SYT2: variants seen among roughly 807,000 people sequenced by gnomAD.
SYT2 encodes synaptotagmin 2.
Under a neutral mutation model 39.9 loss-of-function variants are expected in SYT2, and 15 were observed. The observed-to-expected ratio is 0.38, with a 90% confidence interval of 0.25 to 0.58. The LOEUF (loss-of-function observed/expected upper bound fraction) is 0.58. Ranked by LOEUF, SYT2 falls within the 20% of genes least tolerant of loss-of-function variation. The probability of loss-of-function intolerance (pLI) is 0.70; values close to 1 mark genes in which losing one functional copy is unlikely to be tolerated. For synonymous variants in SYT2, 181 were observed against 204.5 expected (o/e 0.89, Z 0.98); for missense variants, 389 against 530.3 (o/e 0.73, Z 2.62).
intron 1 of SYT2, among the ~76,000 whole-genome samples, chr1:202,671,955 T>C (rs539803880): frequency 6.6e-6 from 1 of 152,268 alleles, no homozygotes; most frequent in South Asian, 2.1e-4. Flanking sequence ...GCTTACTACA[T>C]AATTAAAGGA....
chr1:202,626,397 G>GTTTTTTTTTTT lies in SYT2; in HGVS notation c.-17-20609_-17-20608insAAAAAAAAAAA, dbSNP rs1558437010. ...TTGCATCTCCCAAGACAGCCTCTCAGCTTTTTTTTTTTTTTTTTTTTTTTT... is the reference window on the plus strand; with the variant it reads ...TTGCATCTCCCAAGACAGCCTCTCAGTTTTTTTTTTTCTTTTTTTTTTTTTTTTTTTTTTTT... On this transcript the variant is annotated intron_variant, in intron 1 of 8. Coordinates refer to ENST00000367268, the MANE Select transcript of SYT2 (RefSeq NM_177402.5). Among the ~76,000 whole-genome samples the GTTTTTTTTTTT allele has an allele frequency of 3.8e-4, 39 of 102,440 alleles. 1 individual carries two copies. In the East Asian group the frequency reaches 5.4e-3, roughly 14 times the overall value. 67.2% of individuals were successfully genotyped at this position (102,440 alleles called of 152,430 possible).
At chr1:202,701,218 C>T (rs983042773) in intron 1 of SYT2, among the ~76,000 whole-genome samples, 8 of 152,108 alleles carry the variant, frequency 5.3e-5, no homozygotes, top group African/African-American at 1.7e-4. Context: ...CTGGAAGTGA[C>T]GAGCTCACTT....
intron 1 of SYT2, among the ~76,000 whole-genome samples, chr1:202,607,458 TTC>T (rs1690745159): frequency 6.6e-6 from 1 of 152,210 alleles, no homozygotes; most frequent in South Asian, 2.1e-4. Flanking sequence ...TGTGAGACTT[TTC>T]TCACTGCACG....
At chr1:202,676,651 C>A (rs575346698) in intron 1 of SYT2, among the ~76,000 whole-genome samples, 1 of 152,320 alleles carries the variant, frequency 6.6e-6, no homozygotes, top group South Asian at 2.1e-4. Flanking sequence ...GAAGGCTACA[C>A]TGAAATCAAA....
chr1:202,612,359 A>G lies in SYT2; in HGVS notation c.-17-6570T>C, dbSNP rs1213951012. On this transcript the variant is annotated intron_variant, in intron 1 of 8. Coordinates refer to ENST00000367268, the MANE Select transcript of SYT2 (RefSeq NM_177402.5). ...TTTGTAGTAAGTTTTGAAATCAGGC[A>G]GAATGGGTCTTCCAACTTTGTTTTT... is the stretch of plus-strand genomic sequence containing the variant. 5.9e-5 allele frequency among the ~76,000 whole-genome samples: 9 copies of G among 152,044 alleles called. 1 individual carries two copies. Among genetic ancestry groups the G allele is most frequent in the Non-Finnish European group, 5.9e-5 (4 of 68,010 alleles).
intron 1 of SYT2, among the ~76,000 whole-genome samples, chr1:202,684,157 G>C (rs1462835859): frequency 2.0e-5 from 3 of 152,062 alleles, no homozygotes; most frequent in African/African-American, 4.8e-5. Context: ...TAGCCTACCT[G>C]TCCCCTTCCA....
intron 1 of SYT2, among the ~76,000 whole-genome samples, chr1:202,625,693 C>A (rs572926067): frequency 1.3e-5 from 2 of 152,252 alleles, no homozygotes; most frequent in South Asian, 4.1e-4. Flanking sequence ...GCCGCACCCC[C>A]GCCAGGCTCC....
rs1369291715 is a variant in SYT2, at chr1:202,595,949, G to A, written c.*808C>T. ...AATGTCCCAGGAACTACACTTCTGG[G>A]GAAACCATGACTGGCAGGAGGAAGT... On this transcript the variant is annotated 3_prime_UTR_variant, in exon 9 of 9. Coordinates refer to ENST00000367268, the MANE Select transcript of SYT2 (RefSeq NM_177402.5). The A allele has an allele frequency of 6.6e-6, 1 of 152,128 alleles. No individual in the cohort carries two copies. Among genetic ancestry groups the A allele is most frequent in the Non-Finnish European group, 1.5e-5 (1 of 68,044 alleles). The allele number at this position is 152,128 out of a possible 1,614,324, so 9.4% of individuals were successfully genotyped here. A position where few individuals can be genotyped will look rare whatever the true frequency, so the allele number is the denominator to read the frequency against.
chr1:202,597,333 A>G (rs939172923), intron 8 of SYT2, among the ~76,000 whole-genome samples: 1 of 152,220 alleles, frequency 6.6e-6, no homozygotes, highest in Non-Finnish European at 1.5e-5. Flanking sequence ...AGATGGGCAC[A>G]AGGTACTGTG....
At chr1:202,666,468 A>G (rs1159577270) in intron 1 of SYT2, among the ~76,000 whole-genome samples, 1 of 152,144 alleles carries the variant, frequency 6.6e-6, no homozygotes, top group East Asian at 1.9e-4. Flanking sequence ...TAATGTACAG[A>G]GAGGAGAGGG....
chr1:202,637,028 A>T (rs1319189351), intron 1 of SYT2, among the ~76,000 whole-genome samples: 1 of 152,190 alleles, frequency 6.6e-6, no homozygotes, highest in East Asian at 1.9e-4. Flanking sequence ...TCACTAAAAC[A>T]TGGACTAGGG....
At chr1:202,655,270 C>A (rs925400333) in intron 1 of SYT2, among the ~76,000 whole-genome samples, 5 of 152,098 alleles carry the variant, frequency 3.3e-5, no homozygotes, top group Non-Finnish European at 5.9e-5. Flanking sequence ...GCAGGAGATG[C>A]GAGCCCAGGA....
chr1:202,618,400 A>AGTGTGTGTGTGT (rs57621822), intron 1 of SYT2, among the ~76,000 whole-genome samples: 5,186 of 148,838 alleles, frequency 0.035, 112 homozygotes, highest in Middle Eastern at 0.091. Context: ...GTCTGGTGTG[A>AGTGTGTGTGTGT]GTGTGTGTGT....
chr1:202,678,273 C>CAA (rs773123862), intron 1 of SYT2, among the ~76,000 whole-genome samples: 718 of 30,646 alleles, frequency 0.023, 91 homozygotes, highest in African/African-American at 0.079. Context: ...GACTCTGTCT[C>CAA]AAAAAAAAAA....
intron 1 of SYT2, among the ~76,000 whole-genome samples, chr1:202,647,367 C>A (rs1378845396): frequency 6.6e-6 from 1 of 152,188 alleles, no homozygotes; most frequent in Non-Finnish European, 1.5e-5. Context: ...CTTTTGCAGT[C>A]TCCTGGGCCA....
intron 1 of SYT2, among the ~76,000 whole-genome samples, chr1:202,657,628 G>C (rs1416291992): frequency 2.0e-5 from 3 of 152,084 alleles, no homozygotes; most frequent in South Asian, 2.1e-4. Flanking sequence ...CTGGCTCCTG[G>C]GGTGAGAGAT....
In SYT2 at chr1:202,594,701, T is replaced by TACACACACAGAC. The variant is rs1690228160; in HGVS notation, c.*2055_*2056insGTCTGTGTGTGT. On this transcript the variant is annotated 3_prime_UTR_variant, in exon 9 of 9. Coordinates refer to ENST00000367268, the MANE Select transcript of SYT2 (RefSeq NM_177402.5). The stretch of plus-strand genomic sequence containing the variant: ...AGAGTCTTACCTTCCCATCATTAAG[T>TACACACACAGAC]ACACACACACACACACACACACACA... The TACACACACAGAC allele has an allele frequency of 7.0e-6, 1 of 143,382 alleles. No individual in the cohort carries two copies. The highest frequency in any genetic ancestry group is 1.5e-5 in the Non-Finnish European group (1 of 65,516). The allele number at this position is 143,382 out of a possible 1,614,324, so 8.9% of individuals were successfully genotyped here.
chr1:202,697,879 C>A (rs1654013554), intron 1 of SYT2, among the ~76,000 whole-genome samples: 1 of 152,166 alleles, frequency 6.6e-6, no homozygotes, highest in Non-Finnish European at 1.5e-5. Context: ...GAAAACCCTA[C>A]CCTAGGAAGA....
intron 1 of SYT2, among the ~76,000 whole-genome samples, chr1:202,671,319 G>A (rs773514980): frequency 6.6e-6 from 1 of 152,230 alleles, no homozygotes; most frequent in Non-Finnish European, 1.5e-5. Flanking sequence ...AGCTCATGGC[G>A]GTGGAGGCCA....
Sources: gnomAD v4.1 joint callset for allele counts (sites outside exome capture counted in the v4.1 genomes callset) on GRCh38, gnomAD v4.1.1 for gene constraint, MANE v1.5 for transcripts, NCBI Gene and HGNC (gene_info 2026-07-23, HGNC 2026-07-21) for gene names.